Variants in PUM1 observed in about 807,000 individuals in gnomAD.
PUM1 encodes the protein pumilio RNA binding family member 1.
In PUM1, 13 loss-of-function variants were observed where a neutral mutation model predicts 131.8. The observed-to-expected ratio is 0.10, with a 90% CI of 0.06 to 0.16. The LOEUF (loss-of-function observed/expected upper bound fraction) is 0.16, where lower values mean the gene tolerates loss of function less well. PUM1 is among the 10% of genes least tolerant of loss of function. The probability of loss-of-function intolerance (pLI) is 1.00; values close to 1 mark genes in which losing one functional copy is unlikely to be tolerated. For missense variants in PUM1, 961 were observed against 1,512.4 expected (o/e 0.64, Z 6.05); for synonymous variants, 509 against 556.5 (o/e 0.91, Z 1.20).
chr1:31,046,035 T>C (rs1643952049), intron 2 of PUM1, among the ~76,000 whole-genome samples: 1 of 151,056 alleles, frequency 6.6e-6, no homozygotes, highest in African/African-American at 2.4e-5. Flanking sequence ...TGAGCCGAGA[T>C]CGTGCCACTA....
At chr1:31,037,358 A>G (rs1643643936) in intron 2 of PUM1, 1 of 152,228 alleles carries the variant, frequency 6.6e-6, no homozygotes, top group South Asian at 2.1e-4. Flanking sequence ...TTCCAAGACT[A>G]GCAGGTGGAC....
chr1:30,945,280 C>A, intron 18 of PUM1, 66 bp downstream of exon 18: 1 of 1,557,950 alleles, frequency 6.4e-7, no homozygotes. Context: ...GCCACAAATC[C>A]TACTCTGTTT....
chr1:31,014,360 C>A (rs1642735279), intron 3 of PUM1, among the ~76,000 whole-genome samples: 1 of 149,148 alleles, frequency 6.7e-6, no homozygotes, highest in African/African-American at 2.5e-5. Context: ...AAAAAAAAGT[C>A]GAGGCTGGAT....
intron 3 of PUM1, among the ~76,000 whole-genome samples, chr1:31,011,633 C>T (rs773790041): frequency 3.9e-5 from 6 of 152,286 alleles, no homozygotes; most frequent in Non-Finnish European, 5.9e-5. Context: ...TCATCCACAG[C>T]GTTGGGTAAA....
chr1:31,057,876 G>A (rs1431872141), intron 2 of PUM1, among the ~76,000 whole-genome samples: 2 of 151,964 alleles, frequency 1.3e-5, no homozygotes, highest in South Asian at 4.1e-4. Context: ...GTCAGTTCTC[G>A]CTAATCAGTA....
In PUM1 at chr1:30,951,377, A is replaced by G. The variant is rs181408027; in HGVS notation, c.2721+857T>C. 1.4e-3 allele frequency among the ~76,000 whole-genome samples: 206 copies of G among 152,328 alleles called. 1 individual carries two copies. The highest frequency in any genetic ancestry group is 0.012 in the Admixed American group (178 of 15,310). On this transcript the variant is annotated intron_variant, in intron 16 of 21. Coordinates refer to ENST00000426105, the MANE Select transcript of PUM1 (RefSeq NM_001020658.2). ...GCTGAAGAATTCAGGGTGAAAAAACATAAGTCTTCATGAAAAAACTTGGGA... is the reference window on the plus strand; with the variant it reads ...GCTGAAGAATTCAGGGTGAAAAAACGTAAGTCTTCATGAAAAAACTTGGGA...
At chr1:31,034,322 G>A (rs1033390977) in intron 2 of PUM1, among the ~76,000 whole-genome samples, 1 of 152,118 alleles carries the variant, frequency 6.6e-6, no homozygotes, top group Non-Finnish European at 1.5e-5. Flanking sequence ...CTGAGTTGGG[G>A]AGTTCATTAA....
Position 31,005,951 on chromosome 1 carries a change from G to A in PUM1, c.622C>T (p.Leu208=). 3 of 1,613,838 alleles carry A rather than the reference G, an allele frequency of 1.9e-6. No individual in the cohort carries two copies. Among genetic ancestry groups the A allele is most frequent in the Non-Finnish European group, 2.5e-6 (3 of 1,179,848 alleles). Residue 208 remains leucine (L), a synonymous_variant, in exon 5 of 22, where the codon CTG becomes TTG. Transcript: ENST00000426105. ...CCCCCACTCTCCGATCGTGGGGACA[G>A]TACAGAATTGACCTCACTGTTCACA... ...FHVNSEVNSV[L]SPRSESGGLG...
intron 2 of PUM1, among the ~76,000 whole-genome samples, chr1:31,045,127 C>T (rs1332000038): frequency 6.7e-6 from 1 of 150,130 alleles, no homozygotes; most frequent in African/African-American, 2.5e-5. Context: ...GGATAAACTA[C>T]AAATCTGTAA....
intron 11 of PUM1, chr1:30,968,129 G>C: frequency 1.4e-6 from 1 of 721,628 alleles, no homozygotes; most frequent in South Asian, 1.4e-5. Flanking sequence ...ATTCCAAGCT[G>C]CATGGACATT....
chr1:31,026,097 A>G (rs1319940211), intron 3 of PUM1, among the ~76,000 whole-genome samples: 3 of 152,016 alleles, frequency 2.0e-5, no homozygotes, highest in Non-Finnish European at 2.9e-5. Context: ...ACTAAAATAC[A>G]AAAATAAAAT....
At position 30,933,090 on chromosome 1, in the gene PUM1, A is replaced by C. The variant is rs116841520; in HGVS notation, c.*121T>G. The C allele has an allele frequency of 5.2e-3, 6,517 of 1,261,784 alleles. 32 individuals are homozygous for C. Among genetic ancestry groups the C allele is most frequent in the East Asian group, 0.023 (871 of 38,318 alleles). 78.2% of individuals were successfully genotyped at this position (1,261,784 alleles called of 1,614,324 possible). ...TGATTCCTTTTTTGGAGGAGGGAGTAATCCTGGAGCAACCACTTGCCCGTC... is the reference window on the plus strand; with the variant it reads ...TGATTCCTTTTTTGGAGGAGGGAGTCATCCTGGAGCAACCACTTGCCCGTC... On this transcript the variant is annotated 3_prime_UTR_variant, in exon 22 of 22. Transcript: ENST00000426105.
At chr1:30,947,108 C>T (rs1266999106) in intron 17 of PUM1, among the ~76,000 whole-genome samples, 1 of 152,146 alleles carries the variant, frequency 6.6e-6, no homozygotes, top group African/African-American at 2.4e-5. Context: ...GATGGAGACA[C>T]CAAGGAAGAG....
At chr1:31,028,907 C>T in intron 2 of PUM1, 43 bp from the exon 3 acceptor site, 1 of 1,521,310 alleles carries the variant, frequency 6.6e-7, no homozygotes, top group East Asian at 2.2e-5. Context: ...AAGTCAGCAT[C>T]TTGAATTTTA....
chr1:30,999,315 A>G (rs1043855672), intron 5 of PUM1, among the ~76,000 whole-genome samples: 1 of 152,166 alleles, frequency 6.6e-6, no homozygotes, highest in African/African-American at 2.4e-5. Context: ...TTTTAAAAAA[A>G]TACTGAACCC....
At chr1:30,948,355 T>C (rs768674189) in intron 17 of PUM1, among the ~76,000 whole-genome samples, 10 of 151,740 alleles carry the variant, frequency 6.6e-5, no homozygotes, top group African/African-American at 9.7e-5. Flanking sequence ...AATGGCAAAT[T>C]TGCATCTAGA....
chr1:30,974,017 T>C (rs1641036487), intron 10 of PUM1, among the ~76,000 whole-genome samples: 2 of 150,854 alleles, frequency 1.3e-5, no homozygotes, highest in South Asian at 4.2e-4. Context: ...GAATCCGGGA[T>C]GCGGAGATTG....
At chr1:31,017,026 G>T (rs1642843404) in intron 3 of PUM1, among the ~76,000 whole-genome samples, 1 of 152,152 alleles carries the variant, frequency 6.6e-6, no homozygotes, top group Non-Finnish European at 1.5e-5. Context: ...GAGGTAATCT[G>T]ATCTTCTCTC....
chr1:31,005,858 C>T lies in PUM1; in HGVS notation c.715G>A (p.Gly239Arg). 5.7e-6 allele frequency: 9 copies of T among 1,591,342 alleles called. No individual in the cohort carries two copies. Among genetic ancestry groups the T allele is most frequent in the Non-Finnish European group, 7.7e-6 (9 of 1,170,790 alleles). ...SPGDSCLRKG[G>R]FGPRDADSDE... is the part of the protein sequence containing the mutation. ...AGTTCCTCAAGCCAACTTACAAATC[C>T]TCCTTTTCTTAGACAGGAATCGCCC... Residue 239 changes from glycine to arginine, a missense_variant, in exon 5 of 22, where the codon GGA (glycine) becomes AGA (arginine). By Grantham distance (125) the Gly-to-Arg change is moderately radical. Around this residue, in one of 4 missense-constraint regions of PUM1, gnomAD observed 654 missense variants for 923.9 expected, o/e 0.71. Coordinates refer to ENST00000426105, the MANE Select transcript of PUM1 (RefSeq NM_001020658.2).
Sources: gnomAD v4.1 joint callset for allele counts (sites outside exome capture counted in the v4.1 genomes callset) on GRCh38, gnomAD v4.1.1 for gene constraint, gnomAD v4.1.1 regional missense constraint, MANE v1.5 for transcripts, NCBI Gene and HGNC (gene_info 2026-07-23, HGNC 2026-07-21) for gene names.